The following LAMA2 variants were observed in gnomAD, a reference collection of about 807,000 sequenced individuals.
LAMA2 encodes laminin subunit alpha-2.
A neutral mutation model predicts 364.8 loss-of-function variants in LAMA2; 269 were observed. The ratio of observed to expected loss-of-function variants is 0.74; its 90% CI spans 0.67 to 0.82. The LOEUF (loss-of-function observed/expected upper bound fraction) is 0.82, where lower values mean the gene tolerates loss of function less well. LAMA2 is among the 40% of genes least tolerant of loss of function. The probability of loss-of-function intolerance (pLI) is 0.00; values close to 1 mark genes in which losing one functional copy is unlikely to be tolerated. For synonymous variants in LAMA2, 1,379 were observed against 1,370.6 expected (o/e 1.01, Z -0.14); for missense variants, 3,807 against 3,873.2 (o/e 0.98, Z 0.45).
chr6:129,099,695 G>C (rs746093311), intron 4 of LAMA2, among the ~76,000 whole-genome samples: 9 of 152,128 alleles, frequency 5.9e-5, no homozygotes, highest in Admixed American at 3.9e-4. Context: ...TAGGGTTTTG[G>C]CATAAATCTG....
chr6:128,961,318 G>GATATAT lies in LAMA2; in HGVS notation c.112+78006_112+78011dup, dbSNP rs58772123. Among the ~76,000 whole-genome samples, 495 of 57,542 alleles carry GATATAT rather than the reference G, an allele frequency of 8.6e-3. 3 individuals are homozygous for GATATAT. Among genetic ancestry groups the GATATAT allele is most frequent in the Non-Finnish European group, 0.011 (306 of 26,806 alleles). The allele number at this position is 57,542 out of a possible 152,430, so 37.7% of individuals were successfully genotyped here. On this transcript the variant is annotated intron_variant, in intron 1 of 64. Coordinates refer to ENST00000421865, the MANE Select transcript of LAMA2 (RefSeq NM_000426.4). Reference sequence around the variant, plus strand: ...TTCTGTAGAGGGACAGAACTAATATGATATATATATATATATATATATATA... The same window carrying GATATAT: ...TTCTGTAGAGGGACAGAACTAATATGATATATATATATATATATATATATATATATA...
rs1774806130 is a variant in LAMA2, at chr6:129,319,282, TG to T, written c.4059-1252del. ...CCAGTGCCTGTACGAAATAATTGAATGGGGAATGACCTTGGGTTGTCTGTTT... is the reference window on the plus strand; with the variant it reads ...CCAGTGCCTGTACGAAATAATTGAATGGGAATGACCTTGGGTTGTCTGTTT... On this transcript the variant is annotated intron_variant, in intron 27 of 64. Transcript: ENST00000421865. 2.6e-5 allele frequency among the ~76,000 whole-genome samples: 4 copies of T among 152,312 alleles called. No homozygotes were observed. In the South Asian group the frequency reaches 8.3e-4, roughly 32 times the overall value.
Position 129,135,652 on chromosome 6 carries a change from A to C in LAMA2, c.640-8249A>C, listed in dbSNP as rs553518939. On this transcript the variant is annotated intron_variant, in intron 4 of 64. Coordinates refer to ENST00000421865, the MANE Select transcript of LAMA2 (RefSeq NM_000426.4). ...TCTGGTTGGGGCACACCCAAAACAA[A>C]ATTTGGAGCAATGCAAATGTTCGAG... 1.9e-3 allele frequency among the ~76,000 whole-genome samples: 284 copies of C among 152,314 alleles called. 1 individual carries two copies. The highest frequency in any genetic ancestry group is 6.4e-3 in the African/African-American group (268 of 41,560).
chr6:129,325,439 C>T (rs865976576), intron 28 of LAMA2, among the ~76,000 whole-genome samples: 3 of 151,798 alleles, frequency 2.0e-5, no homozygotes, highest in Middle Eastern at 3.4e-3. Flanking sequence ...TCTCAGTTCA[C>T]CAAGAGGAAA....
At chr6:129,117,634 G>A (rs1776552932) in intron 4 of LAMA2, among the ~76,000 whole-genome samples, 1 of 152,168 alleles carries the variant, frequency 6.6e-6, no homozygotes, top group African/African-American at 2.4e-5. Context: ...TTTTCAGATG[G>A]CTTATGGTTA....
intron 12 of LAMA2, among the ~76,000 whole-genome samples, chr6:129,226,237 T>C (rs1424426758): frequency 4.6e-5 from 7 of 152,238 alleles, no homozygotes; most frequent in African/African-American, 1.4e-4. Context: ...TCTCTGCACA[T>C]GAGATGGGTC....
intron 30 of LAMA2, among the ~76,000 whole-genome samples, chr6:129,342,863 A>G (rs1216634814): frequency 6.6e-6 from 1 of 152,100 alleles, no homozygotes; most frequent in Non-Finnish European, 1.5e-5. Flanking sequence ...GGCTGTTTCC[A>G]TTTATTTTAT....
At chr6:129,473,068 A>T in intron 51 of LAMA2, 146 bp from the exon 52 acceptor site, 1 of 615,632 alleles carries the variant, frequency 1.6e-6, no homozygotes, top group Non-Finnish European at 2.9e-6. Context: ...TTCTGTAATT[A>T]TTAAATTGCT....
intron 12 of LAMA2, among the ~76,000 whole-genome samples, chr6:129,219,338 A>T (rs1279066791): frequency 6.6e-6 from 1 of 152,100 alleles, no homozygotes; most frequent in Admixed American, 6.6e-5. Flanking sequence ...CAGATGCTGG[A>T]GAGGATGTGG....
chr6:129,431,396 C>T (rs1374440013), intron 41 of LAMA2, among the ~76,000 whole-genome samples: 2 of 133,580 alleles, frequency 1.5e-5, no homozygotes, highest in South Asian at 2.6e-4. Context: ...GAGACTCTAT[C>T]TAAAAAAAAA....
In LAMA2 at chr6:129,178,512, A is replaced by G. The variant is rs539371912; in HGVS notation, c.1467+646A>G. ...AAGCATACAGGCATGCACAAGTGAA[A>G]AATGAAAAGACTGATTTACTTTACC... On this transcript the variant is annotated intron_variant, in intron 10 of 64. Transcript: ENST00000421865. 4.6e-5 allele frequency among the ~76,000 whole-genome samples: 7 copies of G among 152,346 alleles called. No homozygotes were observed. In the South Asian group the frequency reaches 1.5e-3, roughly 32 times the overall value.
At chr6:129,091,716 A>G (rs537425885) in intron 3 of LAMA2, among the ~76,000 whole-genome samples, 1 of 152,362 alleles carries the variant, frequency 6.6e-6, no homozygotes, top group Non-Finnish European at 1.5e-5. Flanking sequence ...TCCCCACCAC[A>G]TTATTCTAGG....
chr6:129,179,329 T>G (rs76641266), intron 10 of LAMA2, among the ~76,000 whole-genome samples: 2,924 of 152,172 alleles, frequency 0.019, 114 homozygotes, highest in African/African-American at 0.066. Flanking sequence ...AAAAGAAACC[T>G]CCTGAGTTTC....
rs564375687 is a variant in LAMA2, at chr6:129,120,406, A to G, written c.639+21991A>G. Among the ~76,000 whole-genome samples the G allele has an allele frequency of 4.6e-5, 7 of 152,344 alleles. 1 individual carries two copies. The highest frequency in any genetic ancestry group is 1.7e-4 in the African/African-American group (7 of 41,588). On this transcript the variant is annotated intron_variant, in intron 4 of 64. Transcript: ENST00000421865. ...TTTGTTCCATGGGATAGTGTCAGTC[A>G]TAAAGACTTACTAGTTAGGTGCTAA... is the stretch of plus-strand genomic sequence containing the variant.
intron 1 of LAMA2, among the ~76,000 whole-genome samples, chr6:129,005,467 T>TA (rs1169028995): frequency 2.0e-5 from 3 of 151,916 alleles, no homozygotes; most frequent in Non-Finnish European, 2.9e-5. Flanking sequence ...ACCTGCTTTT[T>TA]AAAAAAATAT....
chr6:129,256,763 CATATATATATATATATAT>C lies in LAMA2; in HGVS notation c.2097-3928_2097-3911del, dbSNP rs199726173. ...TATATATAAAAAACAAATTATATAGCATATATATATATATATATATATATATATATATATATAGTGGGT... is the reference window on the plus strand; with the variant it reads ...TATATATAAAAAACAAATTATATAGCATATATATATATATATATAGTGGGT... On this transcript the variant is annotated intron_variant, in intron 14 of 64. Coordinates refer to ENST00000421865, the MANE Select transcript of LAMA2 (RefSeq NM_000426.4). Among the ~76,000 whole-genome samples the C allele has an allele frequency of 4.2e-4, 37 of 87,958 alleles. 1 individual carries two copies. The highest frequency in any genetic ancestry group is 0.016 in the Middle Eastern group (2 of 122). The allele number at this position is 87,958 out of a possible 152,430, so 57.7% of individuals were successfully genotyped here.
At chr6:129,230,444 A>G (rs532778428) in intron 12 of LAMA2, among the ~76,000 whole-genome samples, 1 of 152,230 alleles carries the variant, frequency 6.6e-6, no homozygotes, top group Non-Finnish European at 1.5e-5. Flanking sequence ...CTTTTTCTAG[A>G]AAGAAAATAA....
At chr6:129,316,278 G>C in intron 27 of LAMA2, 107 bp downstream of exon 27, 1 of 914,020 alleles carries the variant, frequency 1.1e-6, no homozygotes. Context: ...TGGTTTTGCA[G>C]TATAATGATA....
chr6:129,060,600 C>T (rs1334912743), intron 3 of LAMA2, among the ~76,000 whole-genome samples: 1 of 152,116 alleles, frequency 6.6e-6, no homozygotes, highest in Non-Finnish European at 1.5e-5. Context: ...ATTTGTATGC[C>T]TAAATAATGT....
Sources: allele counts gnomAD v4.1 joint callset (sites outside exome capture counted in the v4.1 genomes callset), GRCh38; gene constraint gnomAD v4.1.1; transcripts MANE v1.5; gene names NCBI Gene and HGNC (gene_info 2026-07-23, HGNC 2026-07-21).